PTPRN2: variants seen among roughly 807,000 people sequenced by gnomAD.
PTPRN2 encodes protein tyrosine phosphatase receptor type N2, also known as receptor-type tyrosine-protein phosphatase N2.
Under a neutral mutation model 118.8 loss-of-function variants are expected in PTPRN2, and 74 were observed. The observed-to-expected ratio is 0.62, with a 90% CI of 0.52 to 0.76. The LOEUF is 0.76. Ranked by LOEUF, PTPRN2 falls within the 30% of genes least tolerant of loss-of-function variation. The pLI is 0.00. For synonymous variants in PTPRN2, 641 were observed against 608.0 expected (o/e 1.05, Z -0.80); for missense variants, 1,481 against 1,394.4 (o/e 1.06, Z -0.99).
At chr7:157,898,795 G>C in intron 11 of PTPRN2, 58 bp from the exon 12 acceptor site, 2 of 1,415,282 alleles carry the variant, frequency 1.4e-6, no homozygotes, top group Non-Finnish European at 2.0e-6. Context: ...CAGTCTCCGG[G>C]CACCTCTGAG....
chr7:158,125,278 T>C (rs1817551596), intron 9 of PTPRN2, among the ~76,000 whole-genome samples: 1 of 145,334 alleles, frequency 6.9e-6, no homozygotes, highest in African/African-American at 2.6e-5. Flanking sequence ...CTCAAGTCCC[T>C]CCCACGGCCG....
intron 5 of PTPRN2, among the ~76,000 whole-genome samples, chr7:158,180,418 A>T (rs1426135452): frequency 6.6e-6 from 1 of 152,202 alleles, no homozygotes; most frequent in East Asian, 1.9e-4. Flanking sequence ...TGATGCCTCC[A>T]GATCTGTTCT....
At chr7:158,220,275 A>C (rs1828259149) in intron 3 of PTPRN2, among the ~76,000 whole-genome samples, 1 of 152,046 alleles carries the variant, frequency 6.6e-6, no homozygotes, top group Non-Finnish European at 1.5e-5. Flanking sequence ...CAAAATGCCC[A>C]CTCTCATCAC....
chr7:158,002,689 G>A (rs1805356462), intron 11 of PTPRN2, among the ~76,000 whole-genome samples: 2 of 152,322 alleles, frequency 1.3e-5, no homozygotes, highest in East Asian at 3.9e-4. Context: ...CCTGGGGCCG[G>A]GGCCTGCTCC....
chr7:158,337,224 C>A (rs1443152985), intron 2 of PTPRN2, among the ~76,000 whole-genome samples: 1 of 151,754 alleles, frequency 6.6e-6, no homozygotes, highest in Non-Finnish European at 1.5e-5. Flanking sequence ...GCAGACGTCA[C>A]TAACACCCAC....
At chr7:158,151,001 C>T (rs1176322860) in intron 6 of PTPRN2, among the ~76,000 whole-genome samples, 2 of 150,232 alleles carry the variant, frequency 1.3e-5, no homozygotes, top group Non-Finnish European at 3.0e-5. Context: ...GCACCTCATG[C>T]TGCCTCCTAT....
intron 1 of PTPRN2, among the ~76,000 whole-genome samples, chr7:158,547,638 C>A (rs1239128137): frequency 6.6e-6 from 1 of 152,178 alleles, no homozygotes; most frequent in East Asian, 1.9e-4. Context: ...AGGCAGGGAC[C>A]CTGCTGGTGG....
At chr7:157,705,023 C>T (rs1004908480) in intron 12 of PTPRN2, among the ~76,000 whole-genome samples, 1 of 152,180 alleles carries the variant, frequency 6.6e-6, no homozygotes, top group African/African-American at 2.4e-5. Context: ...AAAACCTGTA[C>T]TTGGCCGGGC....
chr7:158,037,513 T>C (rs1808169774), intron 11 of PTPRN2, among the ~76,000 whole-genome samples: 1 of 152,242 alleles, frequency 6.6e-6, no homozygotes, highest in South Asian at 2.1e-4. Flanking sequence ...TTACTGTTAC[T>C]GTTCCGAGTA....
rs530067511 is a variant in PTPRN2 at position 158,342,295 on chromosome 7, C to T, written c.164-25363G>A. ...CCACACTCTCACCATAGAGCTGACA[C>T]CCGCAGACGTCACTCACACCCACAC... On this transcript the variant is annotated intron_variant, in intron 2 of 22. Transcript: ENST00000389418. Among the ~76,000 whole-genome samples, 757 of 128,960 alleles carry T rather than the reference C, an allele frequency of 5.9e-3. 21 individuals carry two copies. Among genetic ancestry groups the T allele is most frequent in the African/African-American group, 0.022 (678 of 30,416 alleles). 84.6% of individuals were successfully genotyped at this position (128,960 alleles called of 152,430 possible). A position where few individuals can be genotyped will look rare whatever the true frequency, so the allele number is the denominator to read the frequency against.
In PTPRN2 at chr7:158,083,940, G is replaced by GGCTCTTCCCTAAAACCCACAGTGGCT. The variant is rs71189765; in HGVS notation, c.1644-2564_1644-2563insAGCCACTGTGGGTTTTAGGGAAGAGC. On this transcript the variant is annotated intron_variant, in intron 10 of 22. Coordinates refer to ENST00000389418, the MANE Select transcript of PTPRN2 (RefSeq NM_002847.5). ...ACCTTCCCTAACTTGAATATGTGCAGGCTCTGACGTGGGAAGAAGTCTCTA... is the reference window on the plus strand; with the variant it reads ...ACCTTCCCTAACTTGAATATGTGCAGGCTCTTCCCTAAAACCCACAGTGGCTGCTCTGACGTGGGAAGAAGTCTCTA... Among the ~76,000 whole-genome samples, 34 of 151,814 alleles carry GGCTCTTCCCTAAAACCCACAGTGGCT rather than the reference G, an allele frequency of 2.2e-4. 1 individual carries two copies. Among genetic ancestry groups the GGCTCTTCCCTAAAACCCACAGTGGCT allele is most frequent in the Admixed American group, 1.1e-3 (17 of 15,286 alleles).
At chr7:158,081,259 CGTGT>C (rs756265614) in intron 11 of PTPRN2, 35 bp downstream of exon 11, 2 of 1,542,262 alleles carry the variant, frequency 1.3e-6, no homozygotes, top group Non-Finnish European at 1.8e-6. Context: ...TGTGCACACA[CGTGT>C]GTGTGCGTGT....
At chr7:158,228,465 C>A (rs1178442507) in intron 3 of PTPRN2, among the ~76,000 whole-genome samples, 1 of 151,964 alleles carries the variant, frequency 6.6e-6, no homozygotes, top group Non-Finnish European at 1.5e-5. Context: ...TTCCACTACA[C>A]CTGTTGGAAA....
In PTPRN2 at chr7:158,166,261, CTGCCGCGTTCCCTGTCCT is replaced by C. The variant is rs1563546329; in HGVS notation, c.910+652_910+669del. On this transcript the variant is annotated intron_variant, in intron 6 of 22. Coordinates refer to ENST00000389418, the MANE Select transcript of PTPRN2 (RefSeq NM_002847.5). ...CAGGATCATCTCCTCCTCCCCCTGGCTGCCGCGTTCCCTGTCCTCACACCCTCAGGATCATCTCCTCCT... is the reference window on the plus strand; with the variant it reads ...CAGGATCATCTCCTCCTCCCCCTGGCCACACCCTCAGGATCATCTCCTCCT... 1.2e-3 allele frequency among the ~76,000 whole-genome samples: 151 copies of C among 125,822 alleles called. 7 individuals carry two copies. Among genetic ancestry groups the C allele is most frequent in the Admixed American group, 2.2e-3 (28 of 12,866 alleles). 82.5% of individuals were successfully genotyped at this position (125,822 alleles called of 152,430 possible).
At chr7:158,488,473 C>G (rs2129445316) in intron 2 of PTPRN2, among the ~76,000 whole-genome samples, 1 of 152,350 alleles carries the variant, frequency 6.6e-6, no homozygotes, top group Admixed American at 6.5e-5. Flanking sequence ...TAGGCACAGA[C>G]ACAGAGGTGC....
chr7:158,254,885 AT>A (rs1796924814), intron 3 of PTPRN2, among the ~76,000 whole-genome samples: 1 of 152,256 alleles, frequency 6.6e-6, no homozygotes, highest in South Asian at 2.1e-4. Flanking sequence ...TCTACTTTCT[AT>A]AGCAAAATAG....
intron 14 of PTPRN2, among the ~76,000 whole-genome samples, chr7:157,650,958 A>G (rs566078581): frequency 6.6e-6 from 1 of 152,036 alleles, no homozygotes; most frequent in South Asian, 2.1e-4. Context: ...CCCAGGGAAG[A>G]CTCCAGGCAG....
At chr7:157,635,758 A>G (rs1016581828) in intron 14 of PTPRN2, among the ~76,000 whole-genome samples, 1 of 152,210 alleles carries the variant, frequency 6.6e-6, no homozygotes, top group Middle Eastern at 3.4e-3. Context: ...CTCTCACCCC[A>G]GCCAGGATAT....
chr7:157,723,503 C>T (rs886847062), intron 12 of PTPRN2, among the ~76,000 whole-genome samples: 5 of 152,196 alleles, frequency 3.3e-5, no homozygotes, highest in East Asian at 1.9e-4. Flanking sequence ...TCACTGCGCT[C>T]GCCGGCTGTG....
Sources: gnomAD v4.1 joint callset for allele counts (sites outside exome capture counted in the v4.1 genomes callset) on GRCh38, gnomAD v4.1.1 for gene constraint, MANE v1.5 for transcripts, NCBI Gene and HGNC (gene_info 2026-07-23, HGNC 2026-07-21) for gene names.